PRELID2: variants seen among roughly 807,000 people sequenced by gnomAD.
PRELID2 encodes PRELI domain-containing protein 2.
A neutral mutation model predicts 28.4 loss-of-function variants in PRELID2; 25 were observed. The observed-to-expected ratio is 0.88, with a 90% CI of 0.64 to 1.23. The LOEUF (loss-of-function observed/expected upper bound fraction) is 1.23, where lower values mean the gene tolerates loss of function less well. Ranked by LOEUF, PRELID2 falls within the 50% of genes most tolerant of loss-of-function variation. The probability of loss-of-function intolerance (pLI) is 0.00; values close to 1 mark genes in which losing one functional copy is unlikely to be tolerated. For missense variants in PRELID2, 201 were observed against 214.4 expected (o/e 0.94, Z 0.39); for synonymous variants, 76 against 71.6 (o/e 1.06, Z -0.31).
intron 1 of PRELID2, among the ~76,000 whole-genome samples, chr5:145,737,427 A>T (rs78933638): frequency 0.11 from 10,164 of 90,732 alleles, 1,135 homozygotes; most frequent in African/African-American, 0.29. Context: ...TTATTTATTT[A>T]AAAAAAAAAC....
the PRELID2 span, among the ~76,000 whole-genome samples, chr5:145,361,190 ACT>A: frequency 1.3e-5 from 2 of 152,166 alleles, no homozygotes; most frequent in Admixed American, 6.6e-5. Context: ...CTGTGCAAAG[ACT>A]CTAAACTAAA....
At chr5:145,652,949 G>A (rs981416461) in intron 1 of PRELID2, among the ~76,000 whole-genome samples, 31 of 152,144 alleles carry the variant, frequency 2.0e-4, no homozygotes, top group Non-Finnish European at 2.4e-4. Flanking sequence ...AAAAGACACA[G>A]ACTGGCAAAT....
chr5:145,812,273 A>G (rs1033360045), intron 4 of PRELID2, among the ~76,000 whole-genome samples: 8 of 152,208 alleles, frequency 5.3e-5, no homozygotes, highest in African/African-American at 1.9e-4. Flanking sequence ...TTGAAAAAAA[A>G]AAAGTGGACA....
At chr5:145,568,324 C>A (rs1380957626) in intron 1 of PRELID2, among the ~76,000 whole-genome samples, 2 of 152,096 alleles carry the variant, frequency 1.3e-5, no homozygotes, top group Admixed American at 6.5e-5. Context: ...CTATTGTAAG[C>A]CAGCCACCAT....
At chr5:145,424,120 G>A in the PRELID2 span, among the ~76,000 whole-genome samples, 2 of 150,622 alleles carry the variant, frequency 1.3e-5, no homozygotes, top group South Asian at 2.1e-4. Context: ...CGTGCTGGGA[G>A]AACCATTGCT....
the PRELID2 span, among the ~76,000 whole-genome samples, chr5:145,286,716 G>GT: frequency 3.1e-3 from 197 of 63,038 alleles, 1 homozygote; most frequent in African/African-American, 0.015. Flanking sequence ...TTTTTTGTTT[G>GT]TTTGTTTGTT....
intron 1 of PRELID2, among the ~76,000 whole-genome samples, chr5:145,505,315 C>T (rs1241264405): frequency 6.6e-6 from 1 of 152,098 alleles, no homozygotes; most frequent in Non-Finnish European, 1.5e-5. Context: ...TAGAAAAATA[C>T]ACTCCCTCTG....
intron 1 of PRELID2, among the ~76,000 whole-genome samples, chr5:145,574,162 A>G (rs1448785326): frequency 6.6e-6 from 1 of 152,210 alleles, no homozygotes; most frequent in East Asian, 1.9e-4. Context: ...GCTCTTGGGA[A>G]GAACTCAACC....
chr5:145,786,749 T>G (rs1039918851), intron 5 of PRELID2, among the ~76,000 whole-genome samples: 1 of 152,208 alleles, frequency 6.6e-6, no homozygotes, highest in South Asian at 2.1e-4. Context: ...ACCAAATGTC[T>G]CAAGGTTTTT....
In PRELID2 at chr5:145,740,265, A is replaced by AATATAT. The variant is rs70998029; in HGVS notation, n.70+24660_70+24665dup. Among the ~76,000 whole-genome samples, 61 of 40,626 alleles carry AATATAT rather than the reference A, an allele frequency of 1.5e-3. 2 individuals carry two copies. The highest frequency in any genetic ancestry group is 2.1e-3 in the Admixed American group (5 of 2,356). The allele number at this position is 40,626 out of a possible 152,430, so 26.7% of individuals were successfully genotyped here. ...TATATAATAATGACAGGATTTATCA[A>AATATAT]ATATATATATATATATATATATATA... is the stretch of plus-strand genomic sequence containing the variant. On this transcript the variant is annotated intron_variant and non_coding_transcript_variant, in intron 1 of 2. Transcript: ENST00000510259.
the PRELID2 span, among the ~76,000 whole-genome samples, chr5:145,391,065 C>G: frequency 6.6e-6 from 1 of 152,178 alleles, no homozygotes; most frequent in East Asian, 1.9e-4. Context: ...GTACAGCCCC[C>G]CTCCCGCCTA....
Position 145,741,438 on chromosome 5 carries a change from A to G in PRELID2, n.70+23493T>C, listed in dbSNP as rs1265187969. Among the ~76,000 whole-genome samples, 3 of 109,168 alleles carry G rather than the reference A, an allele frequency of 2.7e-5. No individual in the cohort carries two copies. In the Admixed American group the frequency reaches 3.5e-4, roughly 13 times the overall value. 71.6% of individuals were successfully genotyped at this position (109,168 alleles called of 152,430 possible). On this transcript the variant is annotated intron_variant and non_coding_transcript_variant, in intron 1 of 2. Transcript: ENST00000510259. ...TTATAATTTATTTATATATAAACAA[A>G]ATTTATTTATAAATAATTTATTTAT...
At position 145,790,185 on chromosome 5, in the gene PRELID2, C is replaced by T. The variant is rs1056089914; in HGVS notation, c.474+6257G>A. Among the ~76,000 whole-genome samples, 49 of 152,104 alleles carry T rather than the reference C, an allele frequency of 3.2e-4. 1 individual carries two copies. The highest frequency in any genetic ancestry group is 4.7e-4 in the Non-Finnish European group (32 of 68,008). Reference sequence around the variant, plus strand: ...ATTGGGAATCAGTATGTCAAAGAGACAGCTGAACTCTCATGTTCACTGCAG... The same window carrying T: ...ATTGGGAATCAGTATGTCAAAGAGATAGCTGAACTCTCATGTTCACTGCAG... On this transcript the variant is annotated intron_variant, in intron 5 of 6. Coordinates refer to ENST00000683046, the MANE Select transcript of PRELID2 (RefSeq NM_205846.3).
chr5:145,580,702 G>A (rs537180697), intron 1 of PRELID2, among the ~76,000 whole-genome samples: 4 of 152,102 alleles, frequency 2.6e-5, no homozygotes, highest in African/African-American at 9.6e-5. Flanking sequence ...CCAGGCCCCC[G>A]TGTTCATGAA....
Position 145,615,924 on chromosome 5 carries a change from G to A in PRELID2, n.71-142609C>T, listed in dbSNP as rs1467267453. Among the ~76,000 whole-genome samples, 3 of 152,170 alleles carry A rather than the reference G, an allele frequency of 2.0e-5. No homozygotes were observed. The East Asian group carries it at 5.8e-4, about 29-fold the overall frequency. ...AGCTCCATTTAACAGTTCTTGTAGT[G>A]GTGGCTTGGTAATGGCAAATTACCT... On this transcript the variant is annotated intron_variant and non_coding_transcript_variant, in intron 1 of 2. Coordinates refer to the PRELID2 transcript ENST00000510259.
chr5:145,336,164 C>T, the PRELID2 span, among the ~76,000 whole-genome samples: 296 of 151,716 alleles, frequency 2.0e-3, no homozygotes, highest in African/African-American at 5.8e-3. Flanking sequence ...TTGTAGATTC[C>T]GGATATTAGC....
At chr5:145,452,651 G>C in the PRELID2 span, among the ~76,000 whole-genome samples, 8 of 152,156 alleles carry the variant, frequency 5.3e-5, no homozygotes, top group African/African-American at 1.9e-4. Context: ...GTTAGGGTCT[G>C]TGTGTATCTT....
chr5:145,313,606 C>T, the PRELID2 span, among the ~76,000 whole-genome samples: 4 of 152,134 alleles, frequency 2.6e-5, no homozygotes, highest in South Asian at 2.1e-4. Flanking sequence ...TGGCAGCAGA[C>T]GGACTGGAAG....
At chr5:145,764,167 G>T (rs1251933872) in intron 6 of PRELID2, among the ~76,000 whole-genome samples, 1 of 152,094 alleles carries the variant, frequency 6.6e-6, no homozygotes, top group Non-Finnish European at 1.5e-5. Context: ...ATTTATTTTG[G>T]GCTTTGATTC....
Sources: gnomAD v4.1 joint callset for allele counts (sites outside exome capture counted in the v4.1 genomes callset) on GRCh38, gnomAD v4.1.1 for gene constraint, MANE v1.5 for transcripts, NCBI Gene and HGNC (gene_info 2026-07-23, HGNC 2026-07-21) for gene names.